Variants in CCDC85A observed in about 807,000 individuals in gnomAD.
CCDC85A encodes the protein coiled-coil domain containing 85A.
Under a neutral mutation model 50.2 loss-of-function variants are expected in CCDC85A, and 38 were observed. That is an observed-to-expected ratio of 0.76 (90% CI 0.58 to 0.99). CCDC85A has a LOEUF of 0.99. CCDC85A is among the 50% of genes least tolerant of loss of function. CCDC85A has a pLI of 0.00. For missense variants in CCDC85A, 820 were observed against 742.0 expected (o/e 1.11, Z -1.22); for synonymous variants, 366 against 301.4 (o/e 1.21, Z -2.22).
At chr2:56,232,528 G>A (rs1376590578) in intron 2 of CCDC85A, among the ~76,000 whole-genome samples, 1 of 152,126 alleles carries the variant, frequency 6.6e-6, no homozygotes, top group Admixed American at 6.5e-5. Context: ...CACCAGATCT[G>A]ATGGTTTTAT....
intron 3 of CCDC85A, among the ~76,000 whole-genome samples, chr2:56,347,361 A>G (rs913487506): frequency 8.5e-5 from 13 of 152,330 alleles, no homozygotes; most frequent in Middle Eastern, 3.4e-3. Flanking sequence ...CGTTCATACC[A>G]TTAATATGAT....
Position 56,192,967 on chromosome 2 carries a change from C to A in CCDC85A, c.767C>A (p.Pro256His). The A allele has an allele frequency of 6.2e-7, 1 of 1,612,486 alleles. No individual in the cohort carries two copies. Among genetic ancestry groups the A allele is most frequent in the Non-Finnish European group, 8.5e-7 (1 of 1,179,538 alleles). ...CACTCCAAGCACAGGAGCGCCAGCC[C>A]CGAGCATCCACAGAAACCCAGAGCC... ...PEHSKHRSAS[P>H]EHPQKPRACG... Residue 256 changes from proline to histidine, a missense_variant, in exon 2 of 6, where the codon CCC becomes CAC. Transcript: ENST00000407595. The surrounding 1 kb of genome is among the most constrained non-coding windows in gnomAD (Gnocchi z 4.7).
intron 2 of CCDC85A, among the ~76,000 whole-genome samples, chr2:56,288,860 A>T (rs530421246): frequency 2.0e-5 from 3 of 152,336 alleles, no homozygotes; most frequent in African/African-American, 7.2e-5. Context: ...AATGGTTCAC[A>T]TGACTTGTGT....
chr2:56,255,150 T>C (rs2104004038), intron 2 of CCDC85A, among the ~76,000 whole-genome samples: 1 of 152,320 alleles, frequency 6.6e-6, no homozygotes. Flanking sequence ...CTTCTGCCCA[T>C]GGTCCATTGG....
chr2:56,310,672 G>C (rs572455956), intron 2 of CCDC85A, among the ~76,000 whole-genome samples: 6 of 152,252 alleles, frequency 3.9e-5, no homozygotes, highest in African/African-American at 1.4e-4. Context: ...TGGGATTTCT[G>C]TTATCAGAGC....
intron 2 of CCDC85A, among the ~76,000 whole-genome samples, chr2:56,236,316 T>C (rs1051932592): frequency 8.5e-5 from 13 of 152,250 alleles, no homozygotes; most frequent in Middle Eastern, 3.4e-3. Flanking sequence ...ATCATGGCCA[T>C]TGAAAAAGGT....
At chr2:56,374,504 A>C (rs2104395499) in intron 4 of CCDC85A, among the ~76,000 whole-genome samples, 1 of 152,290 alleles carries the variant, frequency 6.6e-6, no homozygotes, top group Non-Finnish European at 1.5e-5. Context: ...TATCTCTAAA[A>C]TGTACAGCAT....
intron 2 of CCDC85A, among the ~76,000 whole-genome samples, chr2:56,210,100 A>G (rs1677121952): frequency 6.6e-6 from 1 of 152,076 alleles, no homozygotes; most frequent in African/African-American, 2.4e-5. Context: ...GGTGCAGAGT[A>G]GTAATGGCTA....
intron 2 of CCDC85A, among the ~76,000 whole-genome samples, chr2:56,274,466 G>GTT (rs1316441394): frequency 6.6e-6 from 1 of 152,278 alleles, no homozygotes; most frequent in East Asian, 1.9e-4. Context: ...CTCAGGTAGG[G>GTT]TTTCTGTGTT....
intron 2 of CCDC85A, among the ~76,000 whole-genome samples, chr2:56,265,937 A>C (rs1320910205): frequency 1.3e-5 from 2 of 152,222 alleles, no homozygotes; most frequent in Non-Finnish European, 2.9e-5. Flanking sequence ...TGTAGAATAT[A>C]TACACAATGG....
chr2:56,382,061 A>T (rs981889989), intron 5 of CCDC85A, among the ~76,000 whole-genome samples: 3 of 151,994 alleles, frequency 2.0e-5, no homozygotes, highest in African/African-American at 7.2e-5. Flanking sequence ...CCCAAATCTG[A>T]TTCTTAAGCA....
chr2:56,261,319 T>C (rs1161931690), intron 2 of CCDC85A, among the ~76,000 whole-genome samples: 1 of 152,204 alleles, frequency 6.6e-6, no homozygotes, highest in African/African-American at 2.4e-5. Context: ...CTTTTCCCTT[T>C]ATTGGTGCTG....
At chr2:56,377,558 A>AGT (rs1309347854) in intron 5 of CCDC85A, among the ~76,000 whole-genome samples, 1 of 152,208 alleles carries the variant, frequency 6.6e-6, no homozygotes, top group African/African-American at 2.4e-5. Context: ...AGCAGCTGTT[A>AGT]GTGTGGCCTA....
chr2:56,203,960 C>T (rs922852553), intron 2 of CCDC85A, among the ~76,000 whole-genome samples: 7 of 152,090 alleles, frequency 4.6e-5, no homozygotes, highest in Non-Finnish European at 8.8e-5. Flanking sequence ...GGAGTAGATT[C>T]GGGACTGGCT....
At chr2:56,308,035 G>C (rs1295822516) in intron 2 of CCDC85A, among the ~76,000 whole-genome samples, 3 of 152,166 alleles carry the variant, frequency 2.0e-5, no homozygotes, top group African/African-American at 7.2e-5. Flanking sequence ...TACCCCAATA[G>C]CTTCCTATTT....
At chr2:56,370,089 A>G (rs185179286) in intron 3 of CCDC85A, among the ~76,000 whole-genome samples, 118 of 152,278 alleles carry the variant, frequency 7.7e-4, no homozygotes, top group African/African-American at 2.7e-3. Context: ...TACAGAAAAC[A>G]AAACTAAGTG....
intron 2 of CCDC85A, among the ~76,000 whole-genome samples, chr2:56,319,733 G>C (rs1318064871): frequency 1.3e-5 from 2 of 152,044 alleles, no homozygotes; most frequent in Non-Finnish European, 2.9e-5. Context: ...TCAAGTAAAA[G>C]ACCCAAGCTT....
intron 2 of CCDC85A, among the ~76,000 whole-genome samples, chr2:56,264,174 A>G (rs1207562831): frequency 6.6e-6 from 1 of 152,034 alleles, no homozygotes; most frequent in African/African-American, 2.4e-5. Context: ...TAATCTTTAT[A>G]TTATCTCTAT....
chr2:56,273,220 G>A (rs1340464581), intron 2 of CCDC85A, among the ~76,000 whole-genome samples: 4 of 152,040 alleles, frequency 2.6e-5, no homozygotes, highest in Non-Finnish European at 4.4e-5. Flanking sequence ...TGTGAGTTTC[G>A]GATCTAATAT....
Sources: gnomAD v4.1 joint callset for allele counts (sites outside exome capture counted in the v4.1 genomes callset) on GRCh38, gnomAD v4.1.1 for gene constraint, Gnocchi (gnomAD v3.1) non-coding constraint, MANE v1.5 for transcripts, NCBI Gene and HGNC (gene_info 2026-07-23, HGNC 2026-07-21) for gene names.